Variants in DNAAF4 observed in about 807,000 individuals in gnomAD.
The protein encoded by DNAAF4 is dynein axonemal assembly factor 4.
A neutral mutation model predicts 51.8 loss-of-function variants in DNAAF4; 43 were observed. The observed-to-expected ratio is 0.83, with a 90% CI of 0.65 to 1.07. The LOEUF (loss-of-function observed/expected upper bound fraction) is 1.07. Ranked by LOEUF, DNAAF4 falls within the 50% of genes least tolerant of loss-of-function variation. The pLI, the probability that DNAAF4 is intolerant of heterozygous loss-of-function variation, is 0.00. For missense variants in DNAAF4, 581 were observed against 493.0 expected (o/e 1.18, Z -1.69); for synonymous variants, 194 against 165.6 (o/e 1.17, Z -1.32).
rs533312420 is a variant in DNAAF4, at chr15:55,449,560, A to T, written c.783+662T>A. Among the ~76,000 whole-genome samples, 220 of 150,660 alleles carry T rather than the reference A, an allele frequency of 1.5e-3. 1 individual carries two copies. The highest frequency in any genetic ancestry group is 5.0e-3 in the African/African-American group (206 of 41,178). On this transcript the variant is annotated intron_variant, in intron 6 of 9. Coordinates refer to ENST00000321149, the MANE Select transcript of DNAAF4 (RefSeq NM_130810.4). The stretch of plus-strand genomic sequence containing the variant: ...ATGCCTGTAATCCCAGCTACTAGGG[A>T]GGCTGAGGCAGGAGAATTGTTTGAA...
chr15:55,456,846 G>A (rs1281575444), intron 5 of DNAAF4, among the ~76,000 whole-genome samples: 1 of 152,224 alleles, frequency 6.6e-6, no homozygotes, highest in East Asian at 1.9e-4. Flanking sequence ...GCAGCAGGAA[G>A]AGCCCTATAG....
chr15:55,450,704 C>T (rs7173549), intron 5 of DNAAF4, among the ~76,000 whole-genome samples: 2,130 of 152,294 alleles, frequency 0.014, 43 homozygotes, highest in African/African-American at 0.045. Context: ...AATACCATCT[C>T]TATCTCCTTA....
chr15:55,497,548 C>T (rs2058657100), intron 3 of DNAAF4, among the ~76,000 whole-genome samples, 164 bp downstream of exon 3: 2 of 151,810 alleles, frequency 1.3e-5, no homozygotes, highest in African/African-American at 4.8e-5. Flanking sequence ...TGCAGTAAGC[C>T]GAGATCATGT....
chr15:55,436,068 G>A (rs113039187), intron 7 of DNAAF4, among the ~76,000 whole-genome samples: 27,019 of 152,204 alleles, frequency 0.18, 4,153 homozygotes, highest in African/African-American at 0.42. Flanking sequence ...GATTACAGGC[G>A]TGAGCCATTG....
intron 4 of DNAAF4, among the ~76,000 whole-genome samples, chr15:55,469,158 C>T (rs2058212196): frequency 6.6e-6 from 1 of 151,940 alleles, no homozygotes; most frequent in African/African-American, 2.4e-5. Context: ...TGGTGAAACC[C>T]TGTCTCTACT....
rs372513130 is a variant in DNAAF4 at position 55,433,924 on chromosome 15, TATA to T, written c.1047+978_1047+980del. ...ATATATTATATATAATTATATATAT[TATA>T]TTATATAAAATATATATAATATATA... On this transcript the variant is annotated intron_variant, in intron 8 of 9. Coordinates refer to ENST00000321149, the MANE Select transcript of DNAAF4 (RefSeq NM_130810.4). Among the ~76,000 whole-genome samples the T allele has an allele frequency of 1.4e-4, 5 of 35,436 alleles. 1 individual carries two copies. The highest frequency in any genetic ancestry group is 4.7e-4 in the African/African-American group (5 of 10,632). 23.2% of individuals were successfully genotyped at this position (35,436 alleles called of 152,430 possible).
At chr15:55,455,174 AG>A (rs1348481212) in intron 5 of DNAAF4, among the ~76,000 whole-genome samples, 1 of 149,134 alleles carries the variant, frequency 6.7e-6, no homozygotes, top group African/African-American at 2.4e-5. Context: ...AGACAGTTTT[AG>A]GGGAAGTTTT....
chr15:55,422,175 G>A (rs2057394161), intron 7 of DNAAF4, among the ~76,000 whole-genome samples: 1 of 151,960 alleles, frequency 6.6e-6, no homozygotes, highest in Non-Finnish European at 1.5e-5. Flanking sequence ...TAAGTGTTAC[G>A]GGAAAAAACA....
At chr15:55,488,120 CT>C (rs58763098) in intron 4 of DNAAF4, among the ~76,000 whole-genome samples, 52,366 of 144,130 alleles carry the variant, frequency 0.36, 9,696 homozygotes, top group African/African-American at 0.49. Flanking sequence ...TTTTCTTTTT[CT>C]TTTTTTTTTT....
intron 6 of DNAAF4, among the ~76,000 whole-genome samples, chr15:55,439,795 A>G (rs2057678015): frequency 6.6e-6 from 1 of 152,042 alleles, no homozygotes; most frequent in Non-Finnish European, 1.5e-5. Context: ...AGAGGTAATG[A>G]GGTTTAGGTC....
intron 3 of DNAAF4, among the ~76,000 whole-genome samples, chr15:55,492,588 G>A (rs937730021): frequency 6.6e-6 from 1 of 151,664 alleles, no homozygotes; most frequent in Non-Finnish European, 1.5e-5. Flanking sequence ...TTGCCAGGCT[G>A]GAGTGCTGTG....
At chr15:55,465,389 TATATACACACAC>T (rs1400491125) in intron 5 of DNAAF4, among the ~76,000 whole-genome samples, 3 of 128,498 alleles carry the variant, frequency 2.3e-5, no homozygotes, top group African/African-American at 7.9e-5. Context: ...ATATGGTGTA[TATATACACACAC>T]ACACACACAC....
intron 4 of DNAAF4, among the ~76,000 whole-genome samples, chr15:55,484,507 G>T (rs1200879976): frequency 6.8e-6 from 1 of 147,142 alleles, no homozygotes; most frequent in East Asian, 2.0e-4. Context: ...AAAAAAAACA[G>T]AATTACCATT....
intron 5 of DNAAF4, among the ~76,000 whole-genome samples, chr15:55,464,647 A>G (rs923366130): frequency 2.6e-5 from 4 of 152,206 alleles, no homozygotes; most frequent in Non-Finnish European, 5.9e-5. Flanking sequence ...GGCTAAGGAC[A>G]TGAATAGACA....
intron 8 of DNAAF4, 30 bp downstream of exon 8, chr15:55,434,875 G>T: frequency 6.7e-7 from 1 of 1,494,200 alleles, no homozygotes; most frequent in Admixed American, 2.4e-5. Context: ...TATATTTAAA[G>T]CACCATATAT....
At chr15:55,433,842 ATAT>A (rs1262209647) in intron 8 of DNAAF4, among the ~76,000 whole-genome samples, 2 of 73,272 alleles carry the variant, frequency 2.7e-5, no homozygotes, top group African/African-American at 1.1e-4. Context: ...CATATATTAT[ATAT>A]TATATATATT....
At chr15:55,459,075 CAAAA>C (rs35467433) in intron 5 of DNAAF4, among the ~76,000 whole-genome samples, 4 of 71,990 alleles carry the variant, frequency 5.6e-5, no homozygotes, top group Admixed American at 4.7e-4. Context: ...GACTCTGTCT[CAAAA>C]AAAAAAAAAA....
intron 7 of DNAAF4, chr15:55,418,530 C>G: frequency 4.0e-6 from 6 of 1,512,806 alleles, no homozygotes; most frequent in Non-Finnish European, 5.3e-6. Flanking sequence ...CCTGACAGAA[C>G]CAGAACTCTT....
At chr15:55,484,402 T>C (rs1418928859) in intron 4 of DNAAF4, among the ~76,000 whole-genome samples, 1 of 151,568 alleles carries the variant, frequency 6.6e-6, no homozygotes, top group Non-Finnish European at 1.5e-5. Flanking sequence ...GGAGAATGGC[T>C]TGAACCTGGG....
Sources: gnomAD v4.1 joint callset for allele counts (sites outside exome capture counted in the v4.1 genomes callset) on GRCh38, gnomAD v4.1.1 for gene constraint, MANE v1.5 for transcripts, NCBI Gene and HGNC (gene_info 2026-07-23, HGNC 2026-07-21) for gene names.